The following CFAP161 variants were observed in gnomAD, a reference collection of about 807,000 sequenced individuals.
The protein encoded by CFAP161 is cilia- and flagella-associated protein 161.
Under a neutral mutation model 29.0 loss-of-function variants are expected in CFAP161, and 25 were observed. That is an observed-to-expected ratio of 0.86 (90% CI 0.63 to 1.20). The LOEUF (loss-of-function observed/expected upper bound fraction) is 1.20. Among genes scored for constraint, CFAP161 ranks in the 50% most tolerant of loss-of-function variants. The probability of loss-of-function intolerance (pLI) is 0.00; values close to 1 mark genes in which losing one functional copy is unlikely to be tolerated. For synonymous variants in CFAP161, 116 were observed against 137.4 expected, an observed-to-expected ratio of 0.84 and a Z score of 1.09; for missense variants, 367 against 371.9, an observed-to-expected ratio of 0.99 and a Z score of 0.11.
rs148590066 is a variant in CFAP161, at chr15:81,106,700, G to A, written c.-141-20890G>A. ...CTTGCCCAATTATGAAATTAAACAC[G>A]CTCTTTCAAAGGTCAGGGAAGCCCT... On this transcript the variant is annotated intron_variant, in intron 1 of 4. Coordinates refer to the CFAP161 transcript ENST00000560091. Among the ~76,000 whole-genome samples the A allele has an allele frequency of 6.1e-3, 928 of 152,282 alleles. 6 individuals are homozygous for A. Among genetic ancestry groups the A allele is most frequent in the African/African-American group, 0.021 (884 of 41,560 alleles).
At chr15:81,134,559 A>G (rs1203888170) in intron 1 of CFAP161, among the ~76,000 whole-genome samples, 161 bp downstream of exon 1, 2 of 151,926 alleles carry the variant, frequency 1.3e-5, no homozygotes, top group African/African-American at 4.8e-5. Context: ...AAGGAATCTC[A>G]CCTGCCGAAC....
chr15:81,111,846 C>G (rs1392172492), intron 1 of CFAP161, among the ~76,000 whole-genome samples: 1 of 152,114 alleles, frequency 6.6e-6, no homozygotes, highest in Admixed American at 6.5e-5. Flanking sequence ...GTCATTGTTC[C>G]TTAAATAGCA....
intron 1 of CFAP161, among the ~76,000 whole-genome samples, chr15:81,103,558 G>A (rs1894327317): frequency 6.6e-6 from 1 of 152,186 alleles, no homozygotes; most frequent in African/African-American, 2.4e-5. Flanking sequence ...GGAGGTTCCT[G>A]GAGGGTGGTG....
chr15:81,134,759 G>A (rs553095232), intron 1 of CFAP161, among the ~76,000 whole-genome samples: 2 of 152,136 alleles, frequency 1.3e-5, no homozygotes, highest in African/African-American at 2.4e-5. Flanking sequence ...GCCAGGTGAG[G>A]ACACAGGTTC....
Position 81,115,105 on chromosome 15 carries a change from C to T in CFAP161, c.-141-12485C>T, listed in dbSNP as rs531574791. On this transcript the variant is annotated intron_variant, in intron 1 of 4. Transcript: ENST00000560091. ...AAGGATTTTTTGTATAAGTTTGTGA[C>T]GACTTTTGTGCAAGGTTGTGGTTTG... Among the ~76,000 whole-genome samples, 23 of 152,272 alleles carry T rather than the reference C, an allele frequency of 1.5e-4. No individual in the cohort carries two copies. In the South Asian group the frequency reaches 4.4e-3, roughly 29 times the overall value.
intron 1 of CFAP161, among the ~76,000 whole-genome samples, chr15:81,114,089 A>G (rs1361386655): frequency 2.6e-5 from 4 of 152,256 alleles, no homozygotes; most frequent in African/African-American, 4.8e-5. Context: ...GCAAACAAGC[A>G]AACAAAAACA....
intron 1 of CFAP161, among the ~76,000 whole-genome samples, chr15:81,125,119 AAAC>A (rs1894624590): frequency 6.6e-6 from 1 of 151,848 alleles, no homozygotes; most frequent in Non-Finnish European, 1.5e-5. Context: ...AAAGAAAAAA[AAAC>A]AATAACAAGT....
chr15:81,118,619 C>T (rs1894530888), intron 1 of CFAP161, among the ~76,000 whole-genome samples: 1 of 152,208 alleles, frequency 6.6e-6, no homozygotes, highest in Non-Finnish European at 1.5e-5. Flanking sequence ...CCCGGGAGAC[C>T]AAAGGGGCGA....
At chr15:81,100,507 T>C (rs1473120233) in intron 1 of CFAP161, among the ~76,000 whole-genome samples, 2 of 152,182 alleles carry the variant, frequency 1.3e-5, no homozygotes, top group Non-Finnish European at 2.9e-5. Flanking sequence ...CAGAATTTTA[T>C]GTAGCTGCTG....
chr15:81,127,126 A>G (rs1894651600), intron 1 of CFAP161, among the ~76,000 whole-genome samples: 1 of 152,196 alleles, frequency 6.6e-6, no homozygotes, highest in African/African-American at 2.4e-5. Context: ...TGTGAATCCC[A>G]TTCTGTTTCT....
At chr15:81,106,345 C>T (rs16972744) in intron 1 of CFAP161, among the ~76,000 whole-genome samples, 13,374 of 152,200 alleles carry the variant, frequency 0.088, 705 homozygotes, top group East Asian at 0.17. Context: ...TAATAGGCTT[C>T]CGACATCAGA....
At chr15:81,121,733 G>C (rs1263911561) in intron 1 of CFAP161, among the ~76,000 whole-genome samples, 1 of 151,966 alleles carries the variant, frequency 6.6e-6, no homozygotes, top group Non-Finnish European at 1.5e-5. Flanking sequence ...TAAGTTCAGG[G>C]GTACATGTGC....
At position 81,136,601 on chromosome 15, in the gene CFAP161, C is replaced by T. The variant is rs1460457155; in HGVS notation, c.245C>T (p.Ala82Val). Residue 82 changes from alanine to valine, a missense_variant, in exon 3 of 7, where the codon GCT (alanine) becomes GTT (valine). Ala to Val is a moderately conservative substitution (Grantham distance 64). Coordinates refer to ENST00000286732, the MANE Select transcript of CFAP161 (RefSeq NM_173528.4). ...AATCCTGATGATCCTGACACAGAAG[C>T]TGATGTGTTTCTGCGTGGGGACCTG... ...LVNPDDPDTE[A>V]DVFLRGDLSL... The T allele has an allele frequency of 6.2e-7, 1 of 1,614,156 alleles. No individual in the cohort carries two copies. Among genetic ancestry groups the T allele is most frequent in the Non-Finnish European group, 8.5e-7 (1 of 1,180,030 alleles).
At chr15:81,112,590 G>A (rs1176484853) in intron 1 of CFAP161, among the ~76,000 whole-genome samples, 2 of 152,236 alleles carry the variant, frequency 1.3e-5, no homozygotes, top group South Asian at 2.1e-4. Flanking sequence ...ACCTTGGCTG[G>A]AGGTAGGGAG....
rs1894844717 is a variant in CFAP161 at position 81,138,155 on chromosome 15, A to G, written c.477+20A>G. 6.3e-7 allele frequency: 1 copy of G among 1,575,274 alleles called. No homozygotes were observed. Among genetic ancestry groups the G allele is most frequent in the Non-Finnish European group, 8.7e-7 (1 of 1,144,698 alleles). On this transcript the variant is annotated intron_variant, in intron 4 of 6. Coordinates refer to ENST00000286732, the MANE Select transcript of CFAP161 (RefSeq NM_173528.4). ...AAAATGGTGAGTTATCACTTTGCAT[A>G]TCTACTTTGGATCAGTCATTTCTGT...
chr15:81,144,608 T>C (rs532842323), intron 5 of CFAP161, among the ~76,000 whole-genome samples: 1 of 151,286 alleles, frequency 6.6e-6, no homozygotes, highest in African/African-American at 2.4e-5. Context: ...AATAAATAAA[T>C]AAATGAATAA....
At chr15:81,141,891 G>T (rs950609017) in intron 4 of CFAP161, among the ~76,000 whole-genome samples, 1 of 152,004 alleles carries the variant, frequency 6.6e-6, no homozygotes, top group Admixed American at 6.6e-5. Context: ...CACCATGTTG[G>T]CCAGACTCTC....
chr15:81,100,704 C>CTAT (rs373427489), intron 1 of CFAP161, among the ~76,000 whole-genome samples: 354 of 148,706 alleles, frequency 2.4e-3, no homozygotes, highest in South Asian at 0.012. Flanking sequence ...CTCTCTCTCT[C>CTAT]TTTTTTTTTT....
chr15:81,113,874 C>T (rs1159623376), intron 1 of CFAP161, among the ~76,000 whole-genome samples: 1 of 152,176 alleles, frequency 6.6e-6, no homozygotes, highest in African/African-American at 2.4e-5. Flanking sequence ...GGTGGCCAGT[C>T]CCATCACGAG....
Sources: gnomAD v4.1 joint callset for allele counts (sites outside exome capture counted in the v4.1 genomes callset) on GRCh38, gnomAD v4.1.1 for gene constraint, MANE v1.5 for transcripts, NCBI Gene and HGNC (gene_info 2026-07-23, HGNC 2026-07-21) for gene names.